The following AP4E1 variants were observed in gnomAD, a reference collection of about 807,000 sequenced individuals.
AP4E1 encodes adaptor related protein complex 4 subunit epsilon 1.
In AP4E1, 56 loss-of-function variants were observed where a neutral mutation model predicts 128.2. The observed-to-expected ratio is 0.44, with a 90% CI of 0.35 to 0.55. The LOEUF (loss-of-function observed/expected upper bound fraction) is 0.55, where lower values mean the gene tolerates loss of function less well. AP4E1 is among the 20% of genes least tolerant of loss of function. AP4E1 has a pLI of 0.00. For missense variants in AP4E1, 1,324 were observed against 1,307.7 expected, an observed-to-expected ratio of 1.01 and a Z score of -0.19; for synonymous variants, 484 against 473.1, an observed-to-expected ratio of 1.02 and a Z score of -0.30.
At position 50,924,004 on chromosome 15, in the gene AP4E1, GGTATT is replaced by G. The variant is rs766725563; in HGVS notation, c.420+10_420+14del. 254 of 1,602,376 alleles carry G rather than the reference GGTATT, an allele frequency of 1.6e-4. No individual in the cohort carries two copies. Among genetic ancestry groups the G allele is most frequent in the Non-Finnish European group, 1.9e-4 (228 of 1,169,904 alleles). The stretch of plus-strand genomic sequence containing the variant: ...TTCTCCTTGTGAATACAGTTGTAAA[GGTATT>G]GTATTGTATGTTGGTTAATATGAAG... On this transcript the variant is annotated splice_donor_variant and splice_donor_5th_base_variant and intron_variant, in intron 4 of 20. Coordinates refer to ENST00000261842, the MANE Select transcript of AP4E1 (RefSeq NM_007347.5). LOFTEE classifies it high-confidence loss of function.
intron 15 of AP4E1, among the ~76,000 whole-genome samples, chr15:50,978,544 A>G (rs1270442708): frequency 1.3e-5 from 2 of 152,176 alleles, no homozygotes; most frequent in Non-Finnish European, 2.9e-5. Flanking sequence ...ATAATAAGGG[A>G]TACAAATAGG....
intron 14 of AP4E1, among the ~76,000 whole-genome samples, chr15:50,961,272 C>A (rs1268190059): frequency 6.6e-6 from 1 of 151,890 alleles, no homozygotes; most frequent in South Asian, 2.1e-4. Context: ...CCAGCATTAC[C>A]CTGATACCAA....
intron 13 of AP4E1, among the ~76,000 whole-genome samples, chr15:50,950,426 C>T (rs2064133256): frequency 6.6e-6 from 1 of 151,856 alleles, no homozygotes; most frequent in Non-Finnish European, 1.5e-5. Flanking sequence ...TTATGTGCAT[C>T]CGTGTTTGAA....
chr15:50,997,708 C>G lies in AP4E1; in HGVS notation c.2729C>G (p.Thr910Ser). ...TTAGCTTCATCTTTTTTGGAAGAAA[C>G]TACTGAATACATACACTCAAATGCT... ...SSLASSFLEE[T>S]TEYIHSNAME... Residue 910 changes from threonine to serine, a missense_variant, in exon 18 of 21, where the codon ACT (threonine) becomes AGT (serine). Thr to Ser is a moderately conservative substitution (Grantham distance 58, BLOSUM62 1). Transcript: ENST00000261842. 6.2e-7 allele frequency: 1 copy of G among 1,614,014 alleles called. No individual in the cohort carries two copies. Among genetic ancestry groups the G allele is most frequent in the Non-Finnish European group, 8.5e-7 (1 of 1,179,994 alleles).
In AP4E1 at chr15:50,931,018, A is replaced by G. The variant is rs533503417; in HGVS notation, c.869+47A>G. 2.5e-6 allele frequency: 4 copies of G among 1,606,124 alleles called. No individual in the cohort carries two copies. The East Asian group carries it at 8.9e-5, about 36-fold the overall frequency. On this transcript the variant is annotated intron_variant, in intron 7 of 20. Coordinates refer to ENST00000261842, the MANE Select transcript of AP4E1 (RefSeq NM_007347.5). ...TGCTTAATGACCCCCATACCAGATG[A>G]TAAGCTTAGACTTTAGTAACCTAGA...
chr15:50,969,860 C>CGTGTTT (rs2064454614), intron 15 of AP4E1, among the ~76,000 whole-genome samples: 1 of 151,996 alleles, frequency 6.6e-6, no homozygotes, highest in Non-Finnish European at 1.5e-5. Flanking sequence ...AGGGTTTCAC[C>CGTGTTT]ATGTTAGCCA....
chr15:50,957,332 C>A (rs11070825), intron 13 of AP4E1, among the ~76,000 whole-genome samples: 21,664 of 152,054 alleles, frequency 0.14, 1,650 homozygotes, highest in South Asian at 0.19. Flanking sequence ...TTTGAAGTTA[C>A]GCTGTCAAGC....
chr15:51,002,018 A>AG (rs1292240218), intron 20 of AP4E1, among the ~76,000 whole-genome samples: 1 of 152,122 alleles, frequency 6.6e-6, no homozygotes, highest in Admixed American at 6.5e-5. Flanking sequence ...AGCTAGGATT[A>AG]CAGGTGTGTG....
At chr15:50,931,018 A>AT in intron 7 of AP4E1, 47 bp downstream of exon 7, 2 of 1,606,126 alleles carry the variant, frequency 1.2e-6, no homozygotes, top group Non-Finnish European at 1.7e-6. Flanking sequence ...ATACCAGATG[A>AT]TAAGCTTAGA....
At chr15:50,908,419 G>T, upstream of AP4E1, 1 of 189,736 alleles carries the variant, frequency 5.3e-6, no homozygotes, top group Non-Finnish European at 1.1e-5. Flanking sequence ...ACGCGGAGGC[G>T]GCTAGTGGGA....
intron 14 of AP4E1, among the ~76,000 whole-genome samples, chr15:50,959,179 C>G (rs908624213): frequency 6.6e-6 from 1 of 151,478 alleles, no homozygotes; most frequent in Admixed American, 6.6e-5. Context: ...CCATTGCACT[C>G]CAGCCTGGGC....
At chr15:50,912,656 G>A (rs2063578962) in intron 2 of AP4E1, among the ~76,000 whole-genome samples, 1 of 127,340 alleles carries the variant, frequency 7.9e-6, no homozygotes, top group Admixed American at 9.2e-5. Context: ...AACTCAGTTT[G>A]ATTTTTTTTT....
In AP4E1 at chr15:51,003,472, A is replaced by G. The variant is rs189585063; in HGVS notation, c.*810A>G. ...ATGACAAATATTTTAGTTGGTTACT[A>G]CTTAGGTCCTTTTGGCAAATGAAAA... On this transcript the variant is annotated 3_prime_UTR_variant, in exon 21 of 21. Coordinates refer to ENST00000261842, the MANE Select transcript of AP4E1 (RefSeq NM_007347.5). The G allele has an allele frequency of 6.6e-6, 1 of 152,408 alleles. No homozygotes were observed. Among genetic ancestry groups the G allele is most frequent in the East Asian group, 1.9e-4 (1 of 5,194 alleles). The allele number at this position is 152,408 out of a possible 1,614,324, so 9.4% of individuals were successfully genotyped here.
rs555973117 is a variant in AP4E1, at chr15:50,946,559, C to T, written c.1177-1461C>T. ...TTAAGATAATAAAACTTCCTTTCAG[C>T]GTTGAAAAAAAAAATCTTTCAAAAT... is the stretch of plus-strand genomic sequence containing the variant. On this transcript the variant is annotated intron_variant, in intron 10 of 20. Transcript: ENST00000261842. Among the ~76,000 whole-genome samples, 261 of 150,104 alleles carry T rather than the reference C, an allele frequency of 1.7e-3. 9 individuals are homozygous for T. The South Asian group carries it at 0.041, about 24-fold the overall frequency.
At chr15:50,953,852 C>G (rs1218660179) in intron 13 of AP4E1, among the ~76,000 whole-genome samples, 1 of 152,024 alleles carries the variant, frequency 6.6e-6, no homozygotes, top group African/African-American at 2.4e-5. Context: ...AAAAAAAAAT[C>G]CTGTTTTGCT....
rs149253019 is a variant in AP4E1 at position 50,945,124 on chromosome 15, G to A, written c.1177-2896G>A. 1.2e-5 allele frequency: 10 copies of A among 801,308 alleles called. No individual in the cohort carries two copies. In the African/African-American group the frequency reaches 1.5e-4, roughly 12 times the overall value. The allele number at this position is 801,308 out of a possible 1,614,324, so 49.6% of individuals were successfully genotyped here. ...GAAGAACCATTACATACAACATTAG[G>A]AAAGACAGTGTATACTGGGGTTTAT... On this transcript the variant is annotated intron_variant, in intron 10 of 20. Transcript: ENST00000261842.
chr15:50,973,997 G>C (rs778236083), intron 15 of AP4E1, among the ~76,000 whole-genome samples: 12 of 152,162 alleles, frequency 7.9e-5, no homozygotes, highest in Non-Finnish European at 1.3e-4. Flanking sequence ...ACAGAATCTT[G>C]CTCTGTCGCC....
intron 2 of AP4E1, among the ~76,000 whole-genome samples, chr15:50,913,342 GT>G (rs967834896): frequency 6.6e-6 from 1 of 152,120 alleles, no homozygotes; most frequent in African/African-American, 2.4e-5. Flanking sequence ...AATGGTTTTT[GT>G]TTGTTAGATT....
intron 14 of AP4E1, among the ~76,000 whole-genome samples, chr15:50,966,429 G>A (rs2064393012): frequency 6.6e-6 from 1 of 151,442 alleles, no homozygotes; most frequent in African/African-American, 2.4e-5. Flanking sequence ...AATGATGAAT[G>A]AATATGCTAC....
Sources: gnomAD v4.1 joint callset for allele counts (sites outside exome capture counted in the v4.1 genomes callset) on GRCh38, gnomAD v4.1.1 for gene constraint, MANE v1.5 for transcripts, NCBI Gene and HGNC (gene_info 2026-07-23, HGNC 2026-07-21) for gene names.